SLC16A7: variants seen among roughly 807,000 people sequenced by gnomAD.
SLC16A7 encodes solute carrier family 16 member 7, also known as monocarboxylate transporter 2.
A neutral mutation model predicts 34.9 loss-of-function variants in SLC16A7; 33 were observed. That is an observed-to-expected ratio of 0.94 (90% CI 0.72 to 1.26). The LOEUF is 1.26. SLC16A7 is among the 50% of genes most tolerant of loss of function. SLC16A7 has a pLI of 0.00. For synonymous variants in SLC16A7, 201 were observed against 206.6 expected (o/e 0.97, Z 0.23); for missense variants, 573 against 578.1 (o/e 0.99, Z 0.09).
intron 2 of SLC16A7, among the ~76,000 whole-genome samples, chr12:59,692,435 C>T (rs1309896875): frequency 1.3e-5 from 2 of 151,828 alleles, no homozygotes; most frequent in Non-Finnish European, 2.9e-5. Flanking sequence ...ATATCTTGTC[C>T]GAAATGCTTG....
intron 2 of SLC16A7, among the ~76,000 whole-genome samples, chr12:59,670,931 G>C (rs547504561): frequency 2.7e-4 from 41 of 151,502 alleles, no homozygotes; most frequent in African/African-American, 9.2e-4. Flanking sequence ...CCTTAACCAA[G>C]ACCTCTGCAT....
At chr12:59,662,134 T>A (rs1265360589) in intron 2 of SLC16A7, among the ~76,000 whole-genome samples, 2 of 152,104 alleles carry the variant, frequency 1.3e-5, no homozygotes, top group African/African-American at 4.8e-5. Context: ...TCAAAATATA[T>A]ATCTGAGCCT....
rs144874500 is a variant in SLC16A7, at chr12:59,736,364, C to T, written c.217+31346C>T. On this transcript the variant is annotated intron_variant, in intron 3 of 5. Coordinates refer to ENST00000547379, the MANE Select transcript of SLC16A7 (RefSeq NM_001270623.2). The stretch of plus-strand genomic sequence containing the variant: ...TTGAGTGAAATGCTTTAAATGAACA[C>T]AAAAAACAAACAAAAACAAAGTTTT... 9.9e-3 allele frequency among the ~76,000 whole-genome samples: 1,499 copies of T among 152,058 alleles called. 21 individuals are homozygous for T. The highest frequency in any genetic ancestry group is 0.034 in the African/African-American group (1,407 of 41,492).
chr12:59,652,096 T>G (rs907088248), intron 1 of SLC16A7, among the ~76,000 whole-genome samples: 2 of 152,072 alleles, frequency 1.3e-5, no homozygotes, highest in Non-Finnish European at 2.9e-5. Context: ...AATTTGACCT[T>G]GGATTTACAT....
intron 3 of SLC16A7, among the ~76,000 whole-genome samples, chr12:59,770,947 T>C (rs1023185221): frequency 5.9e-5 from 9 of 152,168 alleles, no homozygotes; most frequent in African/African-American, 2.2e-4. Context: ...AACTTTTCCA[T>C]CAAGATTTGA....
intron 1 of SLC16A7, among the ~76,000 whole-genome samples, chr12:59,630,844 C>A (rs1270692206): frequency 6.6e-6 from 1 of 151,870 alleles, no homozygotes; most frequent in African/African-American, 2.4e-5. Flanking sequence ...ATGGTATTCA[C>A]AAGGAGAAGG....
At chr12:59,722,230 C>T in intron 3 of SLC16A7, among the ~76,000 whole-genome samples, 1 of 151,872 alleles carries the variant, frequency 6.6e-6, no homozygotes, top group South Asian at 2.1e-4. Context: ...TTTGACTTTT[C>T]CTCTCTCTTC....
At chr12:59,730,424 A>G (rs781631113) in intron 3 of SLC16A7, among the ~76,000 whole-genome samples, 2 of 151,848 alleles carry the variant, frequency 1.3e-5, no homozygotes, top group African/African-American at 2.4e-5. Context: ...CCTATTTCCT[A>G]TGTTAGTATA....
intron 2 of SLC16A7, among the ~76,000 whole-genome samples, chr12:59,701,331 G>A: frequency 6.6e-6 from 1 of 150,714 alleles, no homozygotes; most frequent in Non-Finnish European, 1.5e-5. Flanking sequence ...AGTAAATGAT[G>A]GAGCCAGTAT....
At chr12:59,769,889 G>A (rs1419658762) in intron 3 of SLC16A7, among the ~76,000 whole-genome samples, 3 of 151,870 alleles carry the variant, frequency 2.0e-5, no homozygotes, top group Non-Finnish European at 4.4e-5. Flanking sequence ...CCTCCAAATA[G>A]TGTCCCTAGT....
At chr12:59,606,771 T>C (rs1878961624) in intron 1 of SLC16A7, among the ~76,000 whole-genome samples, 1 of 152,170 alleles carries the variant, frequency 6.6e-6, no homozygotes, top group Admixed American at 6.5e-5. Flanking sequence ...GTATAAGACA[T>C]CTTTTCTGTC....
chr12:59,774,994 T>C lies in SLC16A7; in HGVS notation c.699T>C (p.Val233=). ...CGAAGAAATCAACTTGGGAAAAAGT[T>C]AATAAGTATTTAGATTTCTCCCTTT... ...IKTKKSTWEK[V]NKYLDFSLFK... Residue 233 remains valine (V), a synonymous_variant, in exon 5 of 6, where the codon GTT becomes GTC. Transcript: ENST00000547379. The C allele has an allele frequency of 1.2e-6, 2 of 1,613,830 alleles. No individual in the cohort carries two copies. The highest frequency in any genetic ancestry group is 1.7e-6 in the Non-Finnish European group (2 of 1,179,808).
intron 3 of SLC16A7, among the ~76,000 whole-genome samples, chr12:59,757,803 C>T (rs1056925116): frequency 2.0e-5 from 3 of 152,074 alleles, no homozygotes; most frequent in Admixed American, 2.0e-4. Context: ...TGATAGCCCA[C>T]TTCCACTCCA....
chr12:59,754,301 A>G (rs998272699), intron 3 of SLC16A7, among the ~76,000 whole-genome samples: 1 of 152,204 alleles, frequency 6.6e-6, no homozygotes, highest in African/African-American at 2.4e-5. Flanking sequence ...CCCTTCAAAA[A>G]ATTAATGAAT....
intron 1 of SLC16A7, among the ~76,000 whole-genome samples, chr12:59,654,816 C>G (rs1006859658): frequency 6.6e-6 from 1 of 151,790 alleles, no homozygotes. Flanking sequence ...TGAAATGAGT[C>G]TCTCTGATGT....
intron 1 of SLC16A7, among the ~76,000 whole-genome samples, chr12:59,604,049 T>C (rs1026800609): frequency 6.6e-6 from 1 of 152,252 alleles, no homozygotes; most frequent in East Asian, 1.9e-4. Flanking sequence ...ATTTAACATA[T>C]TCAGTTTTTC....
At chr12:59,741,018 C>G (rs1380382024) in intron 3 of SLC16A7, among the ~76,000 whole-genome samples, 1 of 152,038 alleles carries the variant, frequency 6.6e-6, no homozygotes, top group African/African-American at 2.4e-5. Context: ...CGTGAAGGAC[C>G]TCTTCAAGGA....
intron 1 of SLC16A7, among the ~76,000 whole-genome samples, chr12:59,597,684 A>G (rs966254183): frequency 6.6e-6 from 1 of 152,128 alleles, no homozygotes; most frequent in African/African-American, 2.4e-5. Flanking sequence ...AGCAATCCTA[A>G]CTCCAGGTTC....
At chr12:59,695,873 AT>A (rs935238716) in intron 2 of SLC16A7, among the ~76,000 whole-genome samples, 3 of 152,070 alleles carry the variant, frequency 2.0e-5, no homozygotes, top group African/African-American at 7.2e-5. Flanking sequence ...TGTCGCCCCG[AT>A]TTGATTAGGA....
Sources: gnomAD v4.1 joint callset for allele counts (sites outside exome capture counted in the v4.1 genomes callset) on GRCh38, gnomAD v4.1.1 for gene constraint, MANE v1.5 for transcripts, NCBI Gene and HGNC (gene_info 2026-07-23, HGNC 2026-07-21) for gene names.